The following CNOT2 variants were observed in gnomAD, a reference collection of about 807,000 sequenced individuals.
CNOT2 encodes the protein CCR4-NOT transcription complex subunit 2.
CNOT2 carries 7 observed loss-of-function variants against 72.1 expected under a neutral mutation model. That is an observed-to-expected ratio of 0.10 (90% CI 0.06 to 0.18). CNOT2 has a LOEUF of 0.18. Ranked by LOEUF, CNOT2 falls within the 10% of genes least tolerant of loss-of-function variation. The probability of loss-of-function intolerance (pLI) is 1.00; values close to 1 mark genes in which losing one functional copy is unlikely to be tolerated. For missense variants in CNOT2, 345 were observed against 660.3 expected (o/e 0.52, Z 5.23); for synonymous variants, 196 against 225.6 (o/e 0.87, Z 1.17).
Position 70,319,354 on chromosome 12 carries a change from C to T in CNOT2, c.228C>T (p.Tyr76=), listed in dbSNP as rs1403733531. 3 of 1,609,918 alleles carry T rather than the reference C, an allele frequency of 1.9e-6. No individual in the cohort carries two copies. The highest frequency in any genetic ancestry group is 2.2e-5 in the East Asian group (1 of 44,742). ...GQLSQFGASL[Y]GQQSALGLPM... ...TGTCTCAGTTTGGGGCAAGTTTATA[C>T]GGGCAACAAAGTAAGAATTTTGTAT... Residue 76 remains tyrosine, a synonymous_variant, in exon 4 of 16, where the codon TAC becomes TAT. Coordinates refer to ENST00000229195, the MANE Select transcript of CNOT2 (RefSeq NM_014515.7).
intron 1 of CNOT2, among the ~76,000 whole-genome samples, chr12:70,273,231 A>G (rs1299650180): frequency 6.6e-6 from 1 of 152,090 alleles, no homozygotes; most frequent in East Asian, 1.9e-4. Flanking sequence ...CAGTCTAGTT[A>G]GTACATTTAT....
chr12:70,337,779 A>G (rs1425029564), intron 9 of CNOT2: 1 of 504,062 alleles, frequency 2.0e-6, no homozygotes, highest in Non-Finnish European at 3.9e-6. Flanking sequence ...GATCCCATGA[A>G]GTTTGATAAT....
chr12:70,246,106 C>T (rs1281193951), intron 1 of CNOT2, among the ~76,000 whole-genome samples: 5 of 152,180 alleles, frequency 3.3e-5, no homozygotes, highest in African/African-American at 9.6e-5. Flanking sequence ...AAAATGTATG[C>T]TTCACATGTA....
rs1175587317 is a variant in CNOT2 at position 70,286,940 on chromosome 12, T to TA, written c.48+8675dup. ...TTTGTTGCTTTTCTTGGTTGTAAATTAAAAAAAAATTTTTAGTTATAGGTG... is the reference window on the plus strand; with the variant it reads ...TTTGTTGCTTTTCTTGGTTGTAAATTAAAAAAAAAATTTTTAGTTATAGGTG... On this transcript the variant is annotated intron_variant, in intron 2 of 15. Coordinates refer to ENST00000229195, the MANE Select transcript of CNOT2 (RefSeq NM_014515.7). Among the ~76,000 whole-genome samples, 4 of 151,820 alleles carry TA rather than the reference T, an allele frequency of 2.6e-5. No individual in the cohort carries two copies. In the East Asian group the frequency reaches 5.8e-4, roughly 22 times the overall value.
chr12:70,348,555 T>A (rs1189711990), intron 15 of CNOT2, among the ~76,000 whole-genome samples: 7 of 152,182 alleles, frequency 4.6e-5, no homozygotes, highest in Non-Finnish European at 4.4e-5. Flanking sequence ...AATTTGAACA[T>A]TTTTGCTCAA....
At chr12:70,246,507 TAATC>T (rs1391999458) in intron 1 of CNOT2, among the ~76,000 whole-genome samples, 3 of 152,172 alleles carry the variant, frequency 2.0e-5, no homozygotes, top group African/African-American at 7.2e-5. Context: ...CATACAGTGT[TAATC>T]AAGAGATCTA....
chr12:70,250,977 T>C (rs1167926855), intron 1 of CNOT2, among the ~76,000 whole-genome samples: 3 of 152,134 alleles, frequency 2.0e-5, no homozygotes, highest in African/African-American at 7.2e-5. Flanking sequence ...TGCCTTGAAA[T>C]TGTTTTCTAC....
At chr12:70,294,333 C>A in intron 2 of CNOT2, 1 of 1,273,084 alleles carries the variant, frequency 7.9e-7, no homozygotes, top group Non-Finnish European at 1.0e-6. Context: ...AAAAATGGTA[C>A]TGTCATCAGT....
chr12:70,257,453 C>T (rs939822391), intron 1 of CNOT2, among the ~76,000 whole-genome samples: 10 of 150,856 alleles, frequency 6.6e-5, no homozygotes, highest in South Asian at 2.1e-4. Flanking sequence ...CTCCGCCTTC[C>T]GGGTTCACGC....
At chr12:70,272,186 A>T (rs189377231) in intron 1 of CNOT2, among the ~76,000 whole-genome samples, 92 of 152,292 alleles carry the variant, frequency 6.0e-4, no homozygotes, top group African/African-American at 2.1e-3. Flanking sequence ...TATTCAGTAA[A>T]ATGTATCTGT....
chr12:70,261,305 CTTTTTTT>C (rs71437141), intron 1 of CNOT2, among the ~76,000 whole-genome samples: 84 of 43,346 alleles, frequency 1.9e-3, no homozygotes, highest in African/African-American at 6.9e-3. Flanking sequence ...TTCTTTCTTT[CTTTTTTT>C]TTTTTTTTTT....
At chr12:70,331,587 A>G (rs1234874663) in intron 6 of CNOT2, 1 of 151,784 alleles carries the variant, frequency 6.6e-6, no homozygotes, top group African/African-American at 2.4e-5. Context: ...TCTACTATTG[A>G]CAGATTGTAT....
intron 1 of CNOT2, among the ~76,000 whole-genome samples, chr12:70,272,144 T>G (rs977512068): frequency 6.6e-6 from 1 of 152,226 alleles, no homozygotes; most frequent in Non-Finnish European, 1.5e-5. Context: ...TTAAAGTTAG[T>G]AAAGGATTTA....
chr12:70,293,312 C>T (rs1280097730), intron 2 of CNOT2, among the ~76,000 whole-genome samples: 1 of 152,066 alleles, frequency 6.6e-6, no homozygotes, highest in Admixed American at 6.5e-5. Context: ...AGGCATGTGC[C>T]ACCATGCCCG....
At chr12:70,342,668 A>T (rs1377955016) in intron 13 of CNOT2, among the ~76,000 whole-genome samples, 1 of 151,880 alleles carries the variant, frequency 6.6e-6, no homozygotes, top group African/African-American at 2.4e-5. Context: ...AAAACTATTT[A>T]TGACCTTTGA....
At chr12:70,285,781 T>C (rs1870783282) in intron 2 of CNOT2, among the ~76,000 whole-genome samples, 1 of 152,008 alleles carries the variant, frequency 6.6e-6, no homozygotes, top group Non-Finnish European at 1.5e-5. Context: ...ATGAGACCCA[T>C]TGGGATGTCT....
intron 1 of CNOT2, among the ~76,000 whole-genome samples, chr12:70,255,917 C>T (rs1266465134): frequency 1.3e-5 from 2 of 151,982 alleles, no homozygotes; most frequent in East Asian, 3.9e-4. Flanking sequence ...AAGATATGCC[C>T]CTTTATAATT....
At chr12:70,343,352 G>A (rs1881751897) in intron 13 of CNOT2, among the ~76,000 whole-genome samples, 1 of 152,032 alleles carries the variant, frequency 6.6e-6, no homozygotes, top group African/African-American at 2.4e-5. Context: ...ATGTTGTTTT[G>A]GGACACTTTT....
intron 1 of CNOT2, among the ~76,000 whole-genome samples, chr12:70,268,954 T>C (rs1593077546): frequency 6.6e-6 from 1 of 152,244 alleles, no homozygotes; most frequent in African/African-American, 2.4e-5. Flanking sequence ...CATCTTATGC[T>C]GCAACATATA....
Sources: gnomAD v4.1 joint callset for allele counts (sites outside exome capture counted in the v4.1 genomes callset) on GRCh38, gnomAD v4.1.1 for gene constraint, MANE v1.5 for transcripts, NCBI Gene and HGNC (gene_info 2026-07-23, HGNC 2026-07-21) for gene names.